Variants in DDAH1 observed in about 807,000 individuals in gnomAD.
The protein encoded by DDAH1 is dimethylarginine dimethylaminohydrolase 1.
DDAH1 carries 19 observed loss-of-function variants against 28.8 expected under a neutral mutation model. The ratio of observed to expected loss-of-function variants is 0.66; its 90% CI spans 0.46 to 0.97. The LOEUF is 0.97. DDAH1 is among the 50% of genes least tolerant of loss of function. The pLI, the probability that DDAH1 is intolerant of heterozygous loss-of-function variation, is 0.00. For synonymous variants in DDAH1, 153 were observed against 154.4 expected (o/e 0.99, Z 0.07); for missense variants, 326 against 375.9 (o/e 0.87, Z 1.10).
At chr1:85,389,789 G>T (rs953378523) in intron 1 of DDAH1, among the ~76,000 whole-genome samples, 1 of 152,186 alleles carries the variant, frequency 6.6e-6, no homozygotes, top group Non-Finnish European at 1.5e-5. Flanking sequence ...TTGGGAGTTG[G>T]AATTAGCTCC....
intron 2 of DDAH1, among the ~76,000 whole-genome samples, chr1:85,470,624 T>C (rs980790277): frequency 1.3e-5 from 2 of 152,220 alleles, no homozygotes; most frequent in African/African-American, 2.4e-5. Flanking sequence ...TCCTGAGTGT[T>C]TTAACATAAT....
At chr1:85,391,704 T>C (rs1651558356) in intron 1 of DDAH1, among the ~76,000 whole-genome samples, 2 of 152,196 alleles carry the variant, frequency 1.3e-5, no homozygotes, top group South Asian at 2.1e-4. Context: ...AGTGTTTCAG[T>C]TGGATGGCAA....
At chr1:85,503,165 G>C (rs1656880525) in intron 1 of DDAH1, among the ~76,000 whole-genome samples, 1 of 152,026 alleles carries the variant, frequency 6.6e-6, no homozygotes, top group South Asian at 2.1e-4. Flanking sequence ...CTTTAAAAAA[G>C]TTGAAATATA....
At chr1:85,404,344 A>G (rs1652300758) in intron 1 of DDAH1, 1 of 1,530,900 alleles carries the variant, frequency 6.5e-7, no homozygotes, top group Non-Finnish European at 8.7e-7. Context: ...GAAAGACCAC[A>G]TTCTAGAAGG....
At chr1:85,475,218 A>C (rs1015690498) in intron 2 of DDAH1, among the ~76,000 whole-genome samples, 3 of 152,192 alleles carry the variant, frequency 2.0e-5, no homozygotes, top group Non-Finnish European at 4.4e-5. Flanking sequence ...GATTACACAT[A>C]TATTATGACG....
intron 4 of DDAH1, among the ~76,000 whole-genome samples, chr1:85,343,867 C>T (rs1557491969): frequency 6.6e-6 from 1 of 152,266 alleles, no homozygotes; most frequent in East Asian, 1.9e-4. Flanking sequence ...AGCAATGCTG[C>T]AGCTGAGTCA....
chr1:85,568,615 T>C (rs60466290), intron 1 of DDAH1, among the ~76,000 whole-genome samples: 2,519 of 152,276 alleles, frequency 0.017, 73 homozygotes, highest in African/African-American at 0.057. Flanking sequence ...CTAGATTGCT[T>C]ACCAAAGGGA....
In DDAH1 at chr1:85,465,063, G is replaced by GGGCGGC. The variant is rs570812494; in HGVS notation, c.-24_-19dup. 9.7e-5 allele frequency: 119 copies of GGGCGGC among 1,232,424 alleles called. 1 individual carries two copies. Among genetic ancestry groups the GGGCGGC allele is most frequent in the South Asian group, 6.2e-4 (16 of 25,676 alleles). The allele number at this position is 1,232,424 out of a possible 1,614,324, so 76.3% of individuals were successfully genotyped here. ...CCGGCCATGGCTTCGGGAGGCTTAG[G>GGGCGGC]GGCGGCGGCGGCGGCGGAGGCGGCC... On this transcript the variant is annotated 5_prime_UTR_variant, in exon 1 of 6. Transcript: ENST00000284031.
At chr1:85,471,169 T>C (rs1279633786) in intron 2 of DDAH1, among the ~76,000 whole-genome samples, 2 of 152,232 alleles carry the variant, frequency 1.3e-5, no homozygotes, top group Non-Finnish European at 2.9e-5. Flanking sequence ...TCCTGCTTTT[T>C]CATGGTTGTA....
At chr1:85,327,818 C>T (rs188164529) in intron 4 of DDAH1, among the ~76,000 whole-genome samples, 2 of 152,350 alleles carry the variant, frequency 1.3e-5, no homozygotes, top group Admixed American at 1.3e-4. Flanking sequence ...ATGCTTAGCA[C>T]AAGCTTCTAG....
chr1:85,551,576 G>A (rs1383779958), intron 1 of DDAH1, among the ~76,000 whole-genome samples: 5 of 152,140 alleles, frequency 3.3e-5, no homozygotes, highest in South Asian at 2.1e-4. Context: ...CACCTACTCC[G>A]TGCTAGGGCC....
chr1:85,549,470 A>G (rs750530909), intron 1 of DDAH1, among the ~76,000 whole-genome samples: 1 of 151,992 alleles, frequency 6.6e-6, no homozygotes, highest in Admixed American at 6.6e-5. Flanking sequence ...GGACCATACC[A>G]CTCTTGTGTT....
chr1:85,461,138 GC>G (rs1165107801), intron 1 of DDAH1, among the ~76,000 whole-genome samples: 15 of 149,412 alleles, frequency 1.0e-4, no homozygotes, highest in Admixed American at 6.0e-4. Context: ...CAGAGAAGTT[GC>G]ATTTTTTCCC....
Position 85,331,827 on chromosome 1 carries a change from C to G in DDAH1, c.598-6944G>C, listed in dbSNP as rs367740465. Among the ~76,000 whole-genome samples the G allele has an allele frequency of 2.0e-5, 3 of 152,280 alleles. No homozygotes were observed. The South Asian group carries it at 6.2e-4, about 32-fold the overall frequency. On this transcript the variant is annotated intron_variant, in intron 4 of 5. Coordinates refer to ENST00000284031, the MANE Select transcript of DDAH1 (RefSeq NM_012137.4). ...CCAAAATAGCAAGTAGATAATCATA[C>G]TTTGAATAGACATCTAAGAGAGAAT... is the stretch of plus-strand genomic sequence containing the variant.
chr1:85,378,142 G>C (rs1280536112), intron 1 of DDAH1, among the ~76,000 whole-genome samples: 2 of 152,152 alleles, frequency 1.3e-5, no homozygotes, highest in Non-Finnish European at 2.9e-5. Flanking sequence ...AAGTTAATGA[G>C]GGTGAATGGA....
At chr1:85,518,199 C>G (rs112874903) in intron 1 of DDAH1, among the ~76,000 whole-genome samples, 1,699 of 152,312 alleles carry the variant, frequency 0.011, 33 homozygotes, top group African/African-American at 0.039. Context: ...CATTTCACTA[C>G]AACTTATTAG....
At chr1:85,513,200 G>T (rs191867614) in intron 1 of DDAH1, among the ~76,000 whole-genome samples, 1 of 152,002 alleles carries the variant, frequency 6.6e-6, no homozygotes, top group African/African-American at 2.4e-5. Flanking sequence ...AACACCACAC[G>T]TCTACAACCA....
chr1:85,458,814 A>G (rs1557654915), intron 1 of DDAH1, among the ~76,000 whole-genome samples: 2 of 152,130 alleles, frequency 1.3e-5, no homozygotes, highest in Non-Finnish European at 2.9e-5. Context: ...ATACTGCACT[A>G]TGTTCTGTAT....
chr1:85,504,191 C>T lies in DDAH1; in HGVS notation c.-122-7910G>A, dbSNP rs147661155. Among the ~76,000 whole-genome samples the T allele has an allele frequency of 4.0e-3, 611 of 152,260 alleles. 2 individuals are homozygous for T. Among genetic ancestry groups the T allele is most frequent in the Middle Eastern group, 0.02 (6 of 294 alleles). On this transcript the variant is annotated intron_variant, in intron 1 of 6. Coordinates refer to the DDAH1 transcript ENST00000426972. ...AAGAGATGATGGCTCTATAACTCCA[C>T]GAAATAAATGTGTGTTTTATTAGAT...
Sources: allele counts gnomAD v4.1 joint callset (sites outside exome capture counted in the v4.1 genomes callset), GRCh38; gene constraint gnomAD v4.1.1; transcripts MANE v1.5; gene names NCBI Gene and HGNC (gene_info 2026-07-23, HGNC 2026-07-21).